The following SLC10A7 variants were observed in gnomAD, a reference collection of about 807,000 sequenced individuals.
SLC10A7 encodes sodium/bile acid cotransporter 7.
A neutral mutation model predicts 43.2 loss-of-function variants in SLC10A7; 29 were observed. The ratio of observed to expected loss-of-function variants is 0.67; its 90% CI spans 0.50 to 0.92. SLC10A7 has a LOEUF of 0.92. SLC10A7 is among the 40% of genes least tolerant of loss of function. The pLI, the probability that SLC10A7 is intolerant of heterozygous loss-of-function variation, is 0.00. For synonymous variants in SLC10A7, 152 were observed against 144.8 expected, an observed-to-expected ratio of 1.05 and a Z score of -0.35; for missense variants, 295 against 403.2, an observed-to-expected ratio of 0.73 and a Z score of 2.30.
intron 5 of SLC10A7, among the ~76,000 whole-genome samples, chr4:146,344,350 G>C (rs1220453031): frequency 6.6e-6 from 1 of 151,958 alleles, no homozygotes; most frequent in Non-Finnish European, 1.5e-5. Flanking sequence ...ATTTTTAGAG[G>C]GTTTAATTGG....
intron 2 of SLC10A7, among the ~76,000 whole-genome samples, chr4:146,511,971 T>G (rs1737515872): frequency 7.1e-6 from 1 of 140,880 alleles, no homozygotes; most frequent in Non-Finnish European, 1.5e-5. Context: ...CATATACTCT[T>G]TTTTTTTTTT....
intron 11 of SLC10A7, among the ~76,000 whole-genome samples, chr4:146,257,269 G>A (rs568905254): frequency 2.3e-4 from 35 of 152,310 alleles, no homozygotes; most frequent in African/African-American, 7.2e-4. Context: ...AACCAACTCC[G>A]AGTAGGAGGC....
At chr4:146,344,445 A>T (rs755729009) in intron 5 of SLC10A7, among the ~76,000 whole-genome samples, 9 of 152,146 alleles carry the variant, frequency 5.9e-5, no homozygotes, top group Non-Finnish European at 1.0e-4. Flanking sequence ...TCACTTGTAG[A>T]CTACCTGAAA....
Position 146,314,362 on chromosome 4 carries a change from T to C in SLC10A7, c.472-8353A>G, listed in dbSNP as rs145880568. Among the ~76,000 whole-genome samples the C allele has an allele frequency of 9.9e-5, 15 of 152,270 alleles. No homozygotes were observed. In the East Asian group the frequency reaches 1.9e-3, roughly 20 times the overall value. ...GAGACAGTCAGATCAAGGGAACATATAGTTAGCCTAGAAACAGAGCCTGGT... is the reference window on the plus strand; with the variant it reads ...GAGACAGTCAGATCAAGGGAACATACAGTTAGCCTAGAAACAGAGCCTGGT... On this transcript the variant is annotated intron_variant, in intron 6 of 11. Coordinates refer to ENST00000335472, the MANE Select transcript of SLC10A7 (RefSeq NM_001029998.6).
chr4:146,469,209 C>T (rs1733340893), intron 4 of SLC10A7, among the ~76,000 whole-genome samples: 1 of 152,246 alleles, frequency 6.6e-6, no homozygotes, highest in Non-Finnish European at 1.5e-5. Context: ...CCAACTGTGG[C>T]CTTTCTTGTG....
At chr4:146,315,929 CCTTT>C (rs1215657137) in intron 6 of SLC10A7, among the ~76,000 whole-genome samples, 5 of 152,092 alleles carry the variant, frequency 3.3e-5, no homozygotes, top group Non-Finnish European at 7.4e-5. Context: ...TACTCATCTA[CCTTT>C]CTATTGCCCT....
chr4:146,256,422 G>A lies in SLC10A7; in HGVS notation c.*69C>T. ...ATTGAGGCAACATTCACAAGTACAA[G>A]TCTTCAGAATTGCTAGTATGTACAA... On this transcript the variant is annotated 3_prime_UTR_variant, in exon 12 of 12. Transcript: ENST00000335472. 6.9e-7 allele frequency: 1 copy of A among 1,449,168 alleles called. No individual in the cohort carries two copies. Among genetic ancestry groups the A allele is most frequent in the Non-Finnish European group, 9.6e-7 (1 of 1,037,792 alleles). The allele number at this position is 1,449,168 out of a possible 1,614,324, so 89.8% of individuals were successfully genotyped here. A position where few individuals can be genotyped will look rare whatever the true frequency, so the allele number is the denominator to read the frequency against.
chr4:146,511,346 A>G (rs1435134046), intron 2 of SLC10A7, among the ~76,000 whole-genome samples: 1 of 152,240 alleles, frequency 6.6e-6, no homozygotes, highest in African/African-American at 2.4e-5. Context: ...AGTGCTAGAA[A>G]AACTATAGTC....
chr4:146,334,986 C>T (rs907744348), intron 5 of SLC10A7, among the ~76,000 whole-genome samples: 3 of 151,924 alleles, frequency 2.0e-5, no homozygotes, highest in Non-Finnish European at 4.4e-5. Context: ...GAGATTACCA[C>T]ACTTTCAAGA....
chr4:146,424,078 A>C (rs991625884), intron 5 of SLC10A7, among the ~76,000 whole-genome samples: 4 of 152,106 alleles, frequency 2.6e-5, no homozygotes, highest in Admixed American at 6.5e-5. Flanking sequence ...TAGAGACAAG[A>C]TCTCCCTCTG....
At chr4:146,281,057 A>G (rs1729517516) in intron 10 of SLC10A7, among the ~76,000 whole-genome samples, 1 of 152,210 alleles carries the variant, frequency 6.6e-6, no homozygotes, top group African/African-American at 2.4e-5. Flanking sequence ...GAACACTGCA[A>G]AAGCAAACAG....
intron 2 of SLC10A7, among the ~76,000 whole-genome samples, chr4:146,513,300 TGAAAA>T (rs1413357830): frequency 6.6e-6 from 1 of 152,048 alleles, no homozygotes; most frequent in East Asian, 1.9e-4. Context: ...CAATGTTACA[TGAAAA>T]GAATAGGATA....
chr4:146,270,691 C>T lies in SLC10A7; in HGVS notation c.848-11854G>A, dbSNP rs138503249. 2.0e-3 allele frequency among the ~76,000 whole-genome samples: 297 copies of T among 152,274 alleles called. 1 individual carries two copies. The highest frequency in any genetic ancestry group is 3.4e-3 in the Middle Eastern group (1 of 294). ...GGAGTCAGAGGACTCTGGAGGTAGA[C>T]AATTCAGCCATGGTGCACCAGCTCT... On this transcript the variant is annotated intron_variant, in intron 10 of 11. Coordinates refer to ENST00000335472, the MANE Select transcript of SLC10A7 (RefSeq NM_001029998.6).
intron 4 of SLC10A7, among the ~76,000 whole-genome samples, chr4:146,461,425 A>G (rs138564865): frequency 9.9e-5 from 15 of 152,168 alleles, no homozygotes; most frequent in Admixed American, 2.6e-4. Context: ...ACAAAATATT[A>G]TATAAAGTAA....
In SLC10A7 at chr4:146,285,857, T is replaced by C. The variant is rs539758440; in HGVS notation, c.774-2592A>G. 4.6e-5 allele frequency among the ~76,000 whole-genome samples: 7 copies of C among 150,700 alleles called. No individual in the cohort carries two copies. The South Asian group carries it at 1.0e-3, about 23-fold the overall frequency. On this transcript the variant is annotated intron_variant, in intron 9 of 11. Coordinates refer to ENST00000335472, the MANE Select transcript of SLC10A7 (RefSeq NM_001029998.6). ...GTGAAAAGGACTGAATTTGGAGTGG[T>C]GAGAAGGACTGAACTTGGAGAGGTG... is the stretch of plus-strand genomic sequence containing the variant.
rs57589364 is a variant in SLC10A7 at position 146,290,581 on chromosome 4, T to C, written c.773+2348A>G. Among the ~76,000 whole-genome samples, 1,051 of 152,194 alleles carry C rather than the reference T, an allele frequency of 6.9e-3. 15 individuals carry two copies. The highest frequency in any genetic ancestry group is 0.024 in the African/African-American group (1,002 of 41,524). Reference sequence around the variant, plus strand: ...AGGAAGTTAAAAACCTGACAGATGCTAGTTGCGGTGAATCATGCCTATAGT... The same window carrying C: ...AGGAAGTTAAAAACCTGACAGATGCCAGTTGCGGTGAATCATGCCTATAGT... On this transcript the variant is annotated intron_variant, in intron 9 of 11. Coordinates refer to ENST00000335472, the MANE Select transcript of SLC10A7 (RefSeq NM_001029998.6).
At chr4:146,358,294 T>C (rs1352686391) in intron 5 of SLC10A7, among the ~76,000 whole-genome samples, 2 of 152,128 alleles carry the variant, frequency 1.3e-5, no homozygotes, top group African/African-American at 2.4e-5. Flanking sequence ...CTGCTGCAGA[T>C]TATTGATTGT....
chr4:146,286,319 T>C (rs1729939437), intron 9 of SLC10A7, among the ~76,000 whole-genome samples: 2 of 151,002 alleles, frequency 1.3e-5, no homozygotes, highest in Non-Finnish European at 3.0e-5. Flanking sequence ...TGAGAAGGAC[T>C]GTGTTTGGAG....
intron 10 of SLC10A7, among the ~76,000 whole-genome samples, chr4:146,275,030 A>G (rs1240855714): frequency 2.0e-5 from 3 of 152,190 alleles, no homozygotes; most frequent in African/African-American, 7.2e-5. Flanking sequence ...AGCACATCTG[A>G]AACCTGAGAG....
Sources: allele counts gnomAD v4.1 joint callset (sites outside exome capture counted in the v4.1 genomes callset), GRCh38; gene constraint gnomAD v4.1.1; transcripts MANE v1.5; gene names NCBI Gene and HGNC (gene_info 2026-07-23, HGNC 2026-07-21).